The following BNC2 variants were observed in gnomAD, a reference collection of about 807,000 sequenced individuals.
BNC2 encodes basonuclin zinc finger protein 2.
In BNC2, 20 loss-of-function variants were observed where a neutral mutation model predicts 76.3. The ratio of observed to expected loss-of-function variants is 0.26; its 90% CI spans 0.18 to 0.38. The LOEUF is 0.38. BNC2 is among the 10% of genes least tolerant of loss of function. The pLI, the probability that BNC2 is intolerant of heterozygous loss-of-function variation, is 1.00. For missense variants in BNC2, 1,382 were observed against 1,399.8 expected, an observed-to-expected ratio of 0.99 and a Z score of 0.20; for synonymous variants, 582 against 514.8, an observed-to-expected ratio of 1.13 and a Z score of -1.77.
intron 5 of BNC2, among the ~76,000 whole-genome samples, chr9:16,512,480 A>ACG (rs200463104): frequency 4.1e-4 from 58 of 140,074 alleles, no homozygotes; most frequent in Middle Eastern, 3.4e-3. Flanking sequence ...AAGGTAACAC[A>ACG]CGCGCACACA....
chr9:16,627,196 G>C (rs4961728), intron 3 of BNC2, among the ~76,000 whole-genome samples: 58,535 of 151,978 alleles, frequency 0.39, 11,550 homozygotes, highest in Non-Finnish European at 0.42. Flanking sequence ...CTTTAGAAGG[G>C]AACAGTTGAA....
intron 5 of BNC2, among the ~76,000 whole-genome samples, chr9:16,460,104 A>G (rs1442487602): frequency 1.3e-5 from 2 of 152,318 alleles, no homozygotes; most frequent in Admixed American, 6.5e-5. Flanking sequence ...AACAATTATC[A>G]AAGTACCAAC....
chr9:16,448,843 T>G (rs1821281269), intron 5 of BNC2, among the ~76,000 whole-genome samples: 1 of 152,366 alleles, frequency 6.6e-6, no homozygotes, highest in African/African-American at 2.4e-5. Context: ...ATGGATCTAC[T>G]TTCCTTTGAT....
chr9:16,423,072 A>AG (rs1004086357), intron 6 of BNC2, among the ~76,000 whole-genome samples: 3 of 152,204 alleles, frequency 2.0e-5, no homozygotes, highest in African/African-American at 7.2e-5. Context: ...TGGAAACAGG[A>AG]GGGGGACTCC....
intron 3 of BNC2, among the ~76,000 whole-genome samples, chr9:16,688,768 G>A (rs1823055560): frequency 6.6e-6 from 1 of 152,094 alleles, no homozygotes. Context: ...TGGAATAACT[G>A]CCTACAACTG....
At chr9:16,835,287 T>A (rs1254382340) in intron 1 of BNC2, among the ~76,000 whole-genome samples, 6 of 152,230 alleles carry the variant, frequency 3.9e-5, no homozygotes, top group Non-Finnish European at 7.3e-5. Flanking sequence ...AGTATGTTTA[T>A]AATCATTTTA....
At chr9:16,701,961 C>A (rs1016608816) in intron 3 of BNC2, among the ~76,000 whole-genome samples, 46 of 148,222 alleles carry the variant, frequency 3.1e-4, no homozygotes, top group African/African-American at 1.1e-3. Flanking sequence ...AAAAAAAGAC[C>A]AACCACAATA....
At chr9:16,652,354 T>C (rs573986439) in intron 3 of BNC2, among the ~76,000 whole-genome samples, 3 of 152,346 alleles carry the variant, frequency 2.0e-5, no homozygotes, top group African/African-American at 7.2e-5. Flanking sequence ...AAATGTTTTT[T>C]TTTAACCATT....
At chr9:16,707,378 T>C (rs1823710851) in intron 3 of BNC2, among the ~76,000 whole-genome samples, 2 of 152,030 alleles carry the variant, frequency 1.3e-5, no homozygotes, top group African/African-American at 4.8e-5. Flanking sequence ...ATTACAGAGG[T>C]TAATTTCTAT....
chr9:16,645,877 G>T (rs568836844), intron 3 of BNC2, among the ~76,000 whole-genome samples: 1 of 152,108 alleles, frequency 6.6e-6, no homozygotes, highest in Non-Finnish European at 1.5e-5. Flanking sequence ...TAGCAACTCA[G>T]GTCCAGAACC....
At chr9:16,562,093 C>G (rs1371448340) in intron 4 of BNC2, among the ~76,000 whole-genome samples, 1 of 152,072 alleles carries the variant, frequency 6.6e-6, no homozygotes, top group Non-Finnish European at 1.5e-5. Context: ...AGATCTCATA[C>G]AGGATTTAGG....
At chr9:16,857,480 TAAAAAAAAAAA>T (rs60082380) in intron 1 of BNC2, among the ~76,000 whole-genome samples, 1 of 75,676 alleles carries the variant, frequency 1.3e-5, no homozygotes, top group East Asian at 3.4e-4. Flanking sequence ...CTGTCTCAAA[TAAAAAAAAAAA>T]AAAAAAAAAA....
chr9:16,420,073 T>G (rs1398692011), intron 6 of BNC2, among the ~76,000 whole-genome samples: 1 of 152,132 alleles, frequency 6.6e-6, no homozygotes, highest in African/African-American at 2.4e-5. Flanking sequence ...TAAATTTACC[T>G]AAAAACAAGA....
chr9:16,479,249 C>CAAAA (rs772198451), intron 5 of BNC2, among the ~76,000 whole-genome samples: 8 of 65,124 alleles, frequency 1.2e-4, no homozygotes, highest in African/African-American at 5.8e-4. Context: ...GACTCTGTCT[C>CAAAA]AAAAAAAAAA....
intron 5 of BNC2, among the ~76,000 whole-genome samples, chr9:16,537,277 T>C (rs1447071173): frequency 1.3e-5 from 2 of 152,176 alleles, no homozygotes; most frequent in East Asian, 3.8e-4. Flanking sequence ...AAGTCTGGTG[T>C]TATGAAATGC....
chr9:16,771,037 C>T lies in BNC2; in HGVS notation c.4-32552G>A, dbSNP rs141805875. 2.3e-3 allele frequency among the ~76,000 whole-genome samples: 348 copies of T among 151,978 alleles called. 1 individual carries two copies. Among genetic ancestry groups the T allele is most frequent in the African/African-American group, 7.6e-3 (313 of 41,418 alleles). Reference sequence around the variant, plus strand: ...ATACAAAATTAGCTGAGCATGGTGCCGCATGCCTGTAATCCCAGCTACTCA... The same window carrying T: ...ATACAAAATTAGCTGAGCATGGTGCTGCATGCCTGTAATCCCAGCTACTCA... On this transcript the variant is annotated intron_variant, in intron 1 of 6. Coordinates refer to ENST00000380672, the MANE Select transcript of BNC2 (RefSeq NM_017637.6).
intron 3 of BNC2, among the ~76,000 whole-genome samples, chr9:16,708,387 A>G (rs769862745): frequency 6.6e-6 from 1 of 152,246 alleles, no homozygotes; most frequent in Non-Finnish European, 1.5e-5. Flanking sequence ...GCAAACAGGC[A>G]TACGTTAATT....
chr9:16,594,216 T>G (rs1213880797), intron 3 of BNC2, among the ~76,000 whole-genome samples: 1 of 152,088 alleles, frequency 6.6e-6, no homozygotes, highest in African/African-American at 2.4e-5. Context: ...CAAAAGCACC[T>G]CCAATCCTAG....
At chr9:16,484,518 CA>C (rs1822120771) in intron 5 of BNC2, among the ~76,000 whole-genome samples, 1 of 152,156 alleles carries the variant, frequency 6.6e-6, no homozygotes, top group South Asian at 2.1e-4. Context: ...CTGAGCTACT[CA>C]AAACAACTCT....
Sources: allele counts gnomAD v4.1 joint callset (sites outside exome capture counted in the v4.1 genomes callset), GRCh38; gene constraint gnomAD v4.1.1; transcripts MANE v1.5; gene names NCBI Gene and HGNC (gene_info 2026-07-23, HGNC 2026-07-21).